Variants in ZNF766 observed in about 807,000 individuals in gnomAD.
ZNF766 encodes zinc finger protein 766.
A neutral mutation model predicts 13.2 loss-of-function variants in ZNF766; 13 were observed. That is an observed-to-expected ratio of 0.98 (90% CI 0.64 to 1.56). The LOEUF (loss-of-function observed/expected upper bound fraction) is 1.56, where lower values mean the gene tolerates loss of function less well. Among genes scored for constraint, ZNF766 ranks in the 40% most tolerant of loss-of-function variants. The pLI, the probability that ZNF766 is intolerant of heterozygous loss-of-function variation, is 0.00. For synonymous variants in ZNF766, 178 were observed against 187.6 expected (o/e 0.95, Z 0.42); for missense variants, 521 against 552.2 (o/e 0.94, Z 0.57).
intron 3 of ZNF766, 92 bp from the exon 4 acceptor site, chr19:52,289,974 C>T: frequency 1.5e-6 from 2 of 1,363,754 alleles, no homozygotes; most frequent in Non-Finnish European, 2.0e-6. Flanking sequence ...GCACTCCAGC[C>T]TGGGTGGCAA....
chr19:52,286,858 GATGGAGTCTCAC>G (rs1174432877), intron 3 of ZNF766, among the ~76,000 whole-genome samples: 1 of 152,012 alleles, frequency 6.6e-6, no homozygotes, highest in African/African-American at 2.4e-5. Context: ...TTTGTTTTAA[GATGGAGTCTCAC>G]TGTGGCCCAA....
chr19:52,281,547 G>A (rs548041921), intron 1 of ZNF766: 12 of 314,316 alleles, frequency 3.8e-5, no homozygotes, highest in South Asian at 1.4e-4. Flanking sequence ...ACACTATCAC[G>A]TTAATGAGTT....
At position 52,283,283 on chromosome 19, in the gene ZNF766, A is replaced by G. The variant is rs1229584060; in HGVS notation, c.146-2A>G. On this transcript the variant is annotated splice_acceptor_variant, in intron 2 of 3. Coordinates refer to ENST00000439461, the MANE Select transcript of ZNF766 (RefSeq NM_001010851.3). LOFTEE classifies it high-confidence loss of function. The stretch of plus-strand genomic sequence containing the variant: ...CATCTTGATTCTTTCTTTTATAAAC[A>G]GGAATCTGTCTTCCTGACCTGAGTA... The G allele has an allele frequency of 4.3e-6, 7 of 1,612,492 alleles. No individual in the cohort carries two copies. In the South Asian group the frequency reaches 4.4e-5, roughly 10 times the overall value.
At chr19:52,286,188 T>TCCCCCCCCCCCC (rs71254004) in intron 3 of ZNF766, among the ~76,000 whole-genome samples, 5 of 146,556 alleles carry the variant, frequency 3.4e-5, no homozygotes, top group African/African-American at 5.4e-5. Context: ...AGTGGGCTTT[T>TCCCCCCCCCCCC]CCCCCCTAAT....
chr19:52,271,061 C>T (rs1219825210), intron 1 of ZNF766, among the ~76,000 whole-genome samples: 1 of 152,192 alleles, frequency 6.6e-6, no homozygotes, highest in Non-Finnish European at 1.5e-5. Context: ...GCTGGGATAA[C>T]AGGCTTGAGC....
At chr19:52,286,195 T>TC (rs1568621172) in intron 3 of ZNF766, among the ~76,000 whole-genome samples, 3 of 143,148 alleles carry the variant, frequency 2.1e-5, no homozygotes, top group Admixed American at 1.4e-4. Flanking sequence ...TTTTCCCCCC[T>TC]AATTATAAAG....
chr19:52,276,845 G>A (rs1393678108), intron 1 of ZNF766, among the ~76,000 whole-genome samples: 2 of 152,212 alleles, frequency 1.3e-5, no homozygotes, highest in South Asian at 2.1e-4. Flanking sequence ...AGGTGAGGGG[G>A]TGCTGTGCTC....
At position 52,295,401 on chromosome 19, in the gene ZNF766, T is replaced by G. The variant is rs1365804802; in HGVS notation, c.*4203T>G. 1 of 152,246 alleles carries G rather than the reference T, an allele frequency of 6.6e-6. No individual in the cohort carries two copies. The highest frequency in any genetic ancestry group is 1.5e-5 in the Non-Finnish European group (1 of 68,080). The allele number at this position is 152,246 out of a possible 1,614,324, so 9.4% of individuals were successfully genotyped here. A position where few individuals can be genotyped will look rare whatever the true frequency, so the allele number is the denominator to read the frequency against. ...GTTTCACCATGTTGGCCAGGCATGG[T>G]CTTGAACTCCTGACTTCAGGTGATC... On this transcript the variant is annotated 3_prime_UTR_variant, in exon 4 of 4. Transcript: ENST00000439461.
At chr19:52,274,503 A>G (rs1405942646) in intron 1 of ZNF766, 8 of 152,358 alleles carry the variant, frequency 5.3e-5, no homozygotes, top group Non-Finnish European at 7.3e-5. Context: ...GACATTGAGA[A>G]TCTCTTAGAG....
chr19:52,295,152 T>C lies in ZNF766; in HGVS notation c.*3954T>C, dbSNP rs1353403812. 6.6e-6 allele frequency: 1 copy of C among 151,844 alleles called. No homozygotes were observed. Among genetic ancestry groups the C allele is most frequent in the African/African-American group, 2.4e-5 (1 of 41,332 alleles). The allele number at this position is 151,844 out of a possible 1,614,324, so 9.4% of individuals were successfully genotyped here. A position where few individuals can be genotyped will look rare whatever the true frequency, so the allele number is the denominator to read the frequency against. ...AATATTTTTTTTTTACTTTTTTCTT[T>C]TTCTGTACATTGCATCCAGATGCTA... is the stretch of plus-strand genomic sequence containing the variant. On this transcript the variant is annotated 3_prime_UTR_variant, in exon 4 of 4. Transcript: ENST00000439461.
At chr19:52,279,762 T>G (rs1239620135) in intron 1 of ZNF766, among the ~76,000 whole-genome samples, 1 of 150,608 alleles carries the variant, frequency 6.6e-6, no homozygotes, top group Non-Finnish European at 1.5e-5. Context: ...CAAGTTTCTA[T>G]GTTTTTTTTT....
Position 52,269,647 on chromosome 19 carries a change from TTTAGA to T in ZNF766, c.18+20_18+24del, listed in dbSNP as rs1240651450. 1.2e-6 allele frequency: 2 copies of T among 1,612,742 alleles called. No homozygotes were observed. The highest frequency in any genetic ancestry group is 1.1e-5 in the South Asian group (1 of 91,002). On this transcript the variant is annotated intron_variant, in intron 1 of 3. Transcript: ENST00000439461. ...ACTGCGGCGCGTGAGTTTTCCTTTG[TTTAGA>T]TTAAGTGTTCGCTTAGCGGTGCCCT...
intron 3 of ZNF766, among the ~76,000 whole-genome samples, chr19:52,285,451 C>CT (rs1981767666): frequency 6.6e-6 from 1 of 152,212 alleles, no homozygotes; most frequent in African/African-American, 2.4e-5. Context: ...ACAATCCCAT[C>CT]TTTGGGCCCA....
At position 52,292,855 on chromosome 19, in the gene ZNF766, G is replaced by C. The variant is rs899269193; in HGVS notation, c.*1657G>C. The C allele has an allele frequency of 6.6e-6, 1 of 152,174 alleles. No homozygotes were observed. Among genetic ancestry groups the C allele is most frequent in the Non-Finnish European group, 1.5e-5 (1 of 68,042 alleles). The allele number at this position is 152,174 out of a possible 1,614,324, so 9.4% of individuals were successfully genotyped here. A position where few individuals can be genotyped will look rare whatever the true frequency, so the allele number is the denominator to read the frequency against. ...TTAAAATTAAAGTTCTAGTGTACAT[G>C]TCCACAACATGCAGGTTTGTTACAT... On this transcript the variant is annotated 3_prime_UTR_variant, in exon 4 of 4. Transcript: ENST00000439461.
Position 52,290,160 on chromosome 19 carries a change from A to G in ZNF766, c.369A>G (p.Ile123Met), listed in dbSNP as rs754293454. 5.6e-6 allele frequency: 9 copies of G among 1,614,146 alleles called. No homozygotes were observed. The South Asian group carries it at 8.8e-5, about 16-fold the overall frequency. ...AGTTACCTCTGCCAGAACTGGAGAT[A>G]TTTCAAGGTGAAGGGAAGATTTATG... The part of the protein sequence containing the change: ...TFQLPLPELE[I>M]FQGEGKIYEC... The change falls in exon 4 of 4, where the codon ATA (isoleucine) becomes ATG (methionine). Residue 123 changes from isoleucine to methionine, a missense_variant. By Grantham distance (10) the Ile-to-Met change is conservative (BLOSUM62 1). Transcript: ENST00000439461.
In ZNF766 at chr19:52,291,259, A is replaced by G; in HGVS notation, c.*61A>G. 1 of 1,465,014 alleles carries G rather than the reference A, an allele frequency of 6.8e-7. No homozygotes were observed. The highest frequency in any genetic ancestry group is 9.2e-7 in the Non-Finnish European group (1 of 1,090,712). 90.8% of individuals were successfully genotyped at this position (1,465,014 alleles called of 1,614,324 possible). Reference sequence around the variant, plus strand: ...CAACATCCGAGAGTCTATACTAGAAAGAAATCATTTAAATGTACTATATGT... The same window carrying G: ...CAACATCCGAGAGTCTATACTAGAAGGAAATCATTTAAATGTACTATATGT... On this transcript the variant is annotated 3_prime_UTR_variant, in exon 4 of 4. Coordinates refer to ENST00000439461, the MANE Select transcript of ZNF766 (RefSeq NM_001010851.3).
Position 52,290,294 on chromosome 19 carries a change from T to G in ZNF766, c.503T>G (p.Phe168Cys). 6.2e-7 allele frequency: 1 copy of G among 1,613,778 alleles called. No homozygotes were observed. Among genetic ancestry groups the G allele is most frequent in the Non-Finnish European group, 8.5e-7 (1 of 1,179,770 alleles). The change falls in exon 4 of 4, where the codon TTT becomes TGT. Residue 168 changes from phenylalanine (F) to cysteine (C), a missense_variant. Phe to Cys is a radical substitution (Grantham distance 205). Transcript: ENST00000439461. The part of the protein sequence containing the change: ...THIFNKHRND[F>C]VDFPLLSQEQ... ...ATATTTAATAAACATAGGAATGATT[T>G]TGTTGATTTTCCATTGCTGTCACAA... is the stretch of plus-strand genomic sequence containing the variant.
In ZNF766 at chr19:52,269,647, T is replaced by G. The variant is rs1271311679; in HGVS notation, c.18+16T>G. ...ACTGCGGCGCGTGAGTTTTCCTTTGTTTAGATTAAGTGTTCGCTTAGCGGT... is the reference window on the plus strand; with the variant it reads ...ACTGCGGCGCGTGAGTTTTCCTTTGGTTAGATTAAGTGTTCGCTTAGCGGT... On this transcript the variant is annotated intron_variant, in intron 1 of 3. Transcript: ENST00000439461. 6.2e-7 allele frequency: 1 copy of G among 1,612,624 alleles called. No individual in the cohort carries two copies. Among genetic ancestry groups the G allele is most frequent in the Non-Finnish European group, 8.5e-7 (1 of 1,179,656 alleles).
chr19:52,291,317 T>A lies in ZNF766; in HGVS notation c.*119T>A. 1.0e-6 allele frequency: 1 copy of A among 993,490 alleles called. No individual in the cohort carries two copies. 61.5% of individuals were successfully genotyped at this position (993,490 alleles called of 1,614,324 possible). A position where few individuals can be genotyped will look rare whatever the true frequency, so the allele number is the denominator to read the frequency against. The stretch of plus-strand genomic sequence containing the variant: ...GCTGTATCGAGACCTACCAAATCAC[T>A]AGACATCGAAACATTCATCTTTGGT... On this transcript the variant is annotated 3_prime_UTR_variant, in exon 4 of 4. Coordinates refer to ENST00000439461, the MANE Select transcript of ZNF766 (RefSeq NM_001010851.3).
Sources: gnomAD v4.1 joint callset for allele counts (sites outside exome capture counted in the v4.1 genomes callset) on GRCh38, gnomAD v4.1.1 for gene constraint, MANE v1.5 for transcripts, NCBI Gene and HGNC (gene_info 2026-07-23, HGNC 2026-07-21) for gene names.